CCSER1: variants seen among roughly 807,000 people sequenced by gnomAD.
The protein encoded by CCSER1 is coiled-coil serine rich protein 1, also known as serine-rich coiled-coil domain-containing protein 1.
Under a neutral mutation model 82.0 loss-of-function variants are expected in CCSER1, and 41 were observed. That is an observed-to-expected ratio of 0.50 (90% CI 0.39 to 0.65). The LOEUF is 0.65. Ranked by LOEUF, CCSER1 falls within the 30% of genes least tolerant of loss-of-function variation. CCSER1 has a pLI of 0.00. For synonymous variants in CCSER1, 414 were observed against 383.9 expected, an observed-to-expected ratio of 1.08 and a Z score of -0.92; for missense variants, 1,119 against 1,064.2, an observed-to-expected ratio of 1.05 and a Z score of -0.72.
intron 5 of CCSER1, among the ~76,000 whole-genome samples, chr4:90,574,772 T>A (rs1455387360): frequency 1.3e-5 from 2 of 151,892 alleles, no homozygotes; most frequent in African/African-American, 4.8e-5. Context: ...TTGGTGTTTT[T>A]TTTGTGTTAT....
chr4:90,964,740 A>AC (rs70965461), intron 9 of CCSER1, among the ~76,000 whole-genome samples: 9,620 of 149,520 alleles, frequency 0.064, 531 homozygotes, highest in East Asian at 0.19. Flanking sequence ...CCAAAAAAAA[A>AC]AAAAAAAAAA....
chr4:90,180,075 A>G (rs1733432140), intron 1 of CCSER1, among the ~76,000 whole-genome samples: 1 of 151,012 alleles, frequency 6.6e-6, no homozygotes, highest in African/African-American at 2.4e-5. Context: ...TGATTTTGTA[A>G]AACAGGGAAG....
At chr4:90,306,947 C>T (rs1207706694) in intron 1 of CCSER1, among the ~76,000 whole-genome samples, 1 of 152,178 alleles carries the variant, frequency 6.6e-6, no homozygotes, top group African/African-American at 2.4e-5. Context: ...GATGTAGAAA[C>T]ATAGCTGGGC....
At chr4:91,302,669 C>A in intron 10 of CCSER1, among the ~76,000 whole-genome samples, 1 of 152,058 alleles carries the variant, frequency 6.6e-6, no homozygotes, top group Non-Finnish European at 1.5e-5. Flanking sequence ...TCTAGTGTGG[C>A]CTTTATTACT....
intron 5 of CCSER1, among the ~76,000 whole-genome samples, chr4:90,574,151 T>C (rs754498481): frequency 6.6e-5 from 10 of 151,882 alleles, no homozygotes; most frequent in African/African-American, 2.4e-4. Flanking sequence ...ATAGTATTTC[T>C]TGTTTTTTTT....
chr4:90,624,601 C>T (rs561245925), intron 5 of CCSER1, among the ~76,000 whole-genome samples: 82 of 152,226 alleles, frequency 5.4e-4, no homozygotes, highest in African/African-American at 1.7e-3. Context: ...AAGTGCAAAG[C>T]CAGTTCACCA....
chr4:90,486,025 A>G (rs1316830744), intron 5 of CCSER1, among the ~76,000 whole-genome samples: 1 of 152,118 alleles, frequency 6.6e-6, no homozygotes, highest in Admixed American at 6.5e-5. Flanking sequence ...TACCTTATTT[A>G]CCACAGAAAC....
At chr4:91,530,780 C>A (rs1403612554) in intron 10 of CCSER1, among the ~76,000 whole-genome samples, 1 of 150,716 alleles carries the variant, frequency 6.6e-6, no homozygotes, top group South Asian at 2.1e-4. Context: ...CTCCGCCTCC[C>A]AGGTTCAAGC....
At chr4:90,779,350 A>G (rs1291527186) in intron 7 of CCSER1, among the ~76,000 whole-genome samples, 1 of 152,132 alleles carries the variant, frequency 6.6e-6, no homozygotes, top group African/African-American at 2.4e-5. Flanking sequence ...CTTCTTCAAA[A>G]AAGACTGGGC....
chr4:91,218,863 C>T (rs1160682207), intron 10 of CCSER1, among the ~76,000 whole-genome samples: 5 of 152,148 alleles, frequency 3.3e-5, no homozygotes, highest in Non-Finnish European at 7.3e-5. Flanking sequence ...GTATACCAAC[C>T]AGGGTGATTA....
chr4:90,298,950 A>G (rs1228044690), intron 1 of CCSER1, among the ~76,000 whole-genome samples: 3 of 151,952 alleles, frequency 2.0e-5, no homozygotes, highest in Non-Finnish European at 2.9e-5. Flanking sequence ...TTTTACCACT[A>G]ACTTCTTTCT....
At chr4:91,081,307 C>A (rs1394482692) in intron 9 of CCSER1, among the ~76,000 whole-genome samples, 1 of 152,074 alleles carries the variant, frequency 6.6e-6, no homozygotes, top group African/African-American at 2.4e-5. Flanking sequence ...AAGACAAAAA[C>A]CACATGATTA....
chr4:91,138,744 AAAAC>A (rs1398488352), intron 10 of CCSER1, among the ~76,000 whole-genome samples: 43 of 145,602 alleles, frequency 3.0e-4, no homozygotes, highest in East Asian at 2.0e-4. Flanking sequence ...TTACAAGAAA[AAAAC>A]AAACAACCCC....
At chr4:90,990,987 A>G (rs566479476) in intron 9 of CCSER1, among the ~76,000 whole-genome samples, 1 of 152,024 alleles carries the variant, frequency 6.6e-6, no homozygotes, top group East Asian at 1.9e-4. Context: ...CAAGGAGCTG[A>G]TAGAATCCAA....
chr4:90,158,448 G>A (rs1728752469), intron 1 of CCSER1, among the ~76,000 whole-genome samples: 2 of 152,224 alleles, frequency 1.3e-5, no homozygotes. Context: ...GGTTACTGCT[G>A]TCTTTTTGTT....
chr4:90,582,811 G>A (rs181603730), intron 5 of CCSER1, among the ~76,000 whole-genome samples: 9 of 152,252 alleles, frequency 5.9e-5, no homozygotes, highest in Admixed American at 4.6e-4. Flanking sequence ...CGAGAGTGAA[G>A]TAGAAAATTG....
chr4:90,162,325 GT>G (rs1729605215), intron 1 of CCSER1, among the ~76,000 whole-genome samples: 1 of 152,012 alleles, frequency 6.6e-6, no homozygotes, highest in African/African-American at 2.4e-5. Flanking sequence ...AAATGCTAAT[GT>G]TTTATCAATA....
Position 91,001,744 on chromosome 4 carries a change from C to A in CCSER1, c.2172+78297C>A, listed in dbSNP as rs1366844772. Among the ~76,000 whole-genome samples the A allele has an allele frequency of 2.0e-5, 3 of 152,070 alleles. No homozygotes were observed. The East Asian group carries it at 5.8e-4, about 29-fold the overall frequency. ...CATCTTTTAAGTGGAGCATTTAGAC[C>A]GTTTACATTCATTGTTAGTATTGAT... On this transcript the variant is annotated intron_variant, in intron 9 of 10. Transcript: ENST00000509176.
chr4:90,356,079 A>G (rs545141621), intron 3 of CCSER1, among the ~76,000 whole-genome samples: 25 of 151,906 alleles, frequency 1.6e-4, no homozygotes, highest in Non-Finnish European at 2.9e-4. Flanking sequence ...AAAGTATGTA[A>G]TTAACAAGAA....
Sources: allele counts gnomAD v4.1 joint callset (sites outside exome capture counted in the v4.1 genomes callset), GRCh38; gene constraint gnomAD v4.1.1; transcripts MANE v1.5; gene names NCBI Gene and HGNC (gene_info 2026-07-23, HGNC 2026-07-21).